The following CEP44 variants were observed in gnomAD, a reference collection of about 807,000 sequenced individuals.
CEP44 encodes centrosomal protein 44.
A neutral mutation model predicts 46.7 loss-of-function variants in CEP44; 45 were observed. The ratio of observed to expected loss-of-function variants is 0.96; its 90% CI spans 0.76 to 1.24. The LOEUF (loss-of-function observed/expected upper bound fraction) is 1.24, where lower values mean the gene tolerates loss of function less well. CEP44 is among the 50% of genes most tolerant of loss of function. CEP44 has a pLI of 0.00. For missense variants in CEP44, 475 were observed against 459.7 expected, an observed-to-expected ratio of 1.03 and a Z score of -0.30; for synonymous variants, 142 against 146.0, an observed-to-expected ratio of 0.97 and a Z score of 0.20.
chr4:174,316,937 T>C (rs2126669288), intron 11 of CEP44, among the ~76,000 whole-genome samples: 1 of 151,998 alleles, frequency 6.6e-6, no homozygotes, highest in Middle Eastern at 3.4e-3. Flanking sequence ...TTCAGTGTTG[T>C]GAAAATATCA....
At position 174,318,051 on chromosome 4, in the gene CEP44, A is replaced by T; in HGVS notation, c.*668A>T. ...TGAGAAATGTGTTGAACATTTTAGT[A>T]TGCTCTATTGTATAATTTTTTTGGA... On this transcript the variant is annotated 3_prime_UTR_variant, in exon 12 of 12. Transcript: ENST00000503780. 1 of 985,344 alleles carries T rather than the reference A, an allele frequency of 1.0e-6. No individual in the cohort carries two copies. Among genetic ancestry groups the T allele is most frequent in the Non-Finnish European group, 1.2e-6 (1 of 829,894 alleles). The allele number at this position is 985,344 out of a possible 1,614,324, so 61.0% of individuals were successfully genotyped here. A position where few individuals can be genotyped will look rare whatever the true frequency, so the allele number is the denominator to read the frequency against.
rs1462647033 is a variant in CEP44 at position 174,314,953 on chromosome 4, C to T, written c.962-1213C>T. Among the ~76,000 whole-genome samples the T allele has an allele frequency of 6.6e-6, 1 of 152,104 alleles. No homozygotes were observed. The highest frequency in any genetic ancestry group is 1.5e-5 in the Non-Finnish European group (1 of 68,040). On this transcript the variant is annotated intron_variant, in intron 9 of 11. Transcript: ENST00000503780. This position sits in a 1 kb window ranked among gnomAD's most constrained non-coding sequence, Gnocchi z 4.1. ...CTTAGCATTTGGAATTAGGACACCA[C>T]GAGTTAGTTAGTCAAATGATATTGA... is the stretch of plus-strand genomic sequence containing the variant.
Position 174,312,661 on chromosome 4 carries a change from T to C in CEP44, c.961+1803T>C, listed in dbSNP as rs1055589229. Among the ~76,000 whole-genome samples the C allele has an allele frequency of 1.3e-5, 2 of 152,178 alleles. No individual in the cohort carries two copies. Among genetic ancestry groups the C allele is most frequent in the Non-Finnish European group, 2.9e-5 (2 of 68,022 alleles). On this transcript the variant is annotated intron_variant, in intron 9 of 11. Transcript: ENST00000503780. The surrounding 1 kb of genome is among the most constrained non-coding windows in gnomAD (Gnocchi z 4.5). ...ACTGAAAGTAATTAACAGGCCTCTA[T>C]CTGAAATGGATTACAGATTATGATT...
In CEP44 at chr4:174,319,643, A is replaced by C. The variant is rs1290415677; in HGVS notation, c.*2260A>C. ...TAAGTAAGTATATATTGAAAATATA[A>C]AATATTTCATATATGTTATCAGGTG... On this transcript the variant is annotated 3_prime_UTR_variant, in exon 12 of 12. Coordinates refer to ENST00000503780, the MANE Select transcript of CEP44 (RefSeq NM_001040157.3). The C allele has an allele frequency of 3.0e-6, 2 of 671,156 alleles. No homozygotes were observed. Among genetic ancestry groups the C allele is most frequent in the Non-Finnish European group, 3.7e-6 (2 of 542,906 alleles). 41.6% of individuals were successfully genotyped at this position (671,156 alleles called of 1,614,324 possible).
At position 174,287,248 on chromosome 4, in the gene CEP44, G is replaced by T. The variant is rs1737674521; in HGVS notation, c.-148+3305G>T. ...ACAAGGATTAAGTGTTGCTTTTCAG[G>T]TAGAGTGCTATTTTGGACCCTTGGC... On this transcript the variant is annotated intron_variant, in intron 1 of 11. Transcript: ENST00000503780. This position sits in a 1 kb window ranked among gnomAD's most constrained non-coding sequence, Gnocchi z 5.1. 6.6e-6 allele frequency among the ~76,000 whole-genome samples: 1 copy of T among 152,138 alleles called. No individual in the cohort carries two copies. Among genetic ancestry groups the T allele is most frequent in the Non-Finnish European group, 1.5e-5 (1 of 68,024 alleles).
Position 174,317,845 on chromosome 4 carries a change from G to C in CEP44, c.*462G>C, listed in dbSNP as rs1412833569. 11 of 985,722 alleles carry C rather than the reference G, an allele frequency of 1.1e-5. No homozygotes were observed. The highest frequency in any genetic ancestry group is 1.7e-5 in the African/African-American group (1 of 57,332). The allele number at this position is 985,722 out of a possible 1,614,324, so 61.1% of individuals were successfully genotyped here. On this transcript the variant is annotated 3_prime_UTR_variant, in exon 12 of 12. Transcript: ENST00000503780. ...TAAGTTATAATGAACAGTTAAAAATGCTCATTGAAAATTAAATAAAACAAA... is the reference window on the plus strand; with the variant it reads ...TAAGTTATAATGAACAGTTAAAAATCCTCATTGAAAATTAAATAAAACAAA...
At position 174,310,307 on chromosome 4, in the gene CEP44, A is replaced by T. The variant is rs1740936897; in HGVS notation, c.885+251A>T. Among the ~76,000 whole-genome samples the T allele has an allele frequency of 6.6e-6, 1 of 152,004 alleles. No homozygotes were observed. Among genetic ancestry groups the T allele is most frequent in the Non-Finnish European group, 1.5e-5 (1 of 67,886 alleles). On this transcript the variant is annotated intron_variant, in intron 8 of 11. Transcript: ENST00000503780. The surrounding 1 kb of genome is among the most constrained non-coding windows in gnomAD (Gnocchi z 4.2). ...TTACAGATGTTAATAATGCTTGAAGAATTTAAAATGAGGTAAGAATATGAT... is the reference window on the plus strand; with the variant it reads ...TTACAGATGTTAATAATGCTTGAAGTATTTAAAATGAGGTAAGAATATGAT...
At chr4:174,298,817 A>C (rs773278861) in intron 2 of CEP44, among the ~76,000 whole-genome samples, 1 of 152,190 alleles carries the variant, frequency 6.6e-6, no homozygotes, top group Non-Finnish European at 1.5e-5. Context: ...TATAAGATAC[A>C]TTATAATAAG....
chr4:174,327,916 A>G (rs1731067466), intron 8 of CEP44, among the ~76,000 whole-genome samples: 1 of 152,212 alleles, frequency 6.6e-6, no homozygotes, highest in Non-Finnish European at 1.5e-5. Flanking sequence ...TTATATGAAT[A>G]TTAAAGTTGG....
In CEP44 at chr4:174,331,453, T is replaced by G; in HGVS notation, c.1087-29T>G. On this transcript the variant is annotated intron_variant, in intron 8 of 8. Transcript: ENST00000426172. The surrounding 1 kb of genome is among the most constrained non-coding windows in gnomAD (Gnocchi z 4.5). ...CTGCCAATGCATTTAGATCATATTT[T>G]AATGTATAATTTTGTGTTTCCTTTC... The G allele has an allele frequency of 6.5e-7, 1 of 1,550,228 alleles. No homozygotes were observed. The highest frequency in any genetic ancestry group is 8.7e-7 in the Non-Finnish European group (1 of 1,146,232).
intron 6 of CEP44, among the ~76,000 whole-genome samples, chr4:174,306,860 A>C (rs976790804): frequency 2.0e-5 from 3 of 152,244 alleles, no homozygotes; most frequent in African/African-American, 7.2e-5. Context: ...CTCCCATTCA[A>C]AATTGCCACA....
chr4:174,308,149 T>C (rs1275462693), intron 6 of CEP44, among the ~76,000 whole-genome samples: 1 of 152,136 alleles, frequency 6.6e-6, no homozygotes, highest in Non-Finnish European at 1.5e-5. Flanking sequence ...TGCATGCATA[T>C]GTTCATTGCA....
At chr4:174,328,686 C>T (rs1248088325) in intron 8 of CEP44, among the ~76,000 whole-genome samples, 4 of 151,858 alleles carry the variant, frequency 2.6e-5, no homozygotes, top group Admixed American at 6.6e-5. Context: ...ATTTTTTTTC[C>T]GTCATGGCAA....
rs1383912195 is a variant in CEP44 at position 174,310,858 on chromosome 4, C to G, written c.961C>G (p.His321Asp). 5 of 1,398,116 alleles carry G rather than the reference C, an allele frequency of 3.6e-6. No homozygotes were observed. The African/African-American group carries it at 4.3e-5, about 12-fold the overall frequency. The allele number at this position is 1,398,116 out of a possible 1,614,324, so 86.6% of individuals were successfully genotyped here. A position where few individuals can be genotyped will look rare whatever the true frequency, so the allele number is the denominator to read the frequency against. ...SCSDMDLLNPHRKSEVERPAS... is the reference protein window; with the variant it reads ...SCSDMDLLNPDRKSEVERPAS... ...TAGTGACATGGACCTTCTGAATCCTCGTAAGTTTGTAAATACTATGAGAAT... is the reference window on the plus strand; with the variant it reads ...TAGTGACATGGACCTTCTGAATCCTGGTAAGTTTGTAAATACTATGAGAAT... The change falls in exon 9 of 12, where the codon CAC (histidine) becomes GAC (aspartate). Residue 321 changes from histidine to aspartate, a missense_variant and splice_region_variant. His to Asp is a moderately conservative substitution (Grantham distance 81). Transcript: ENST00000503780. This position sits in a 1 kb window ranked among gnomAD's most constrained non-coding sequence, Gnocchi z 4.2.
At chr4:174,291,787 CTTTTTTTTTTTTTT>C in intron 1 of CEP44, among the ~76,000 whole-genome samples, 1 of 46,406 alleles carries the variant, frequency 2.2e-5, no homozygotes, top group South Asian at 1.3e-3. Context: ...TTTTTCTTTT[CTTTTTTTTTTTTTT>C]TTTTTTTTTT....
At chr4:174,321,918 A>G (rs1463402677), downstream of CEP44, among the ~76,000 whole-genome samples, 1 of 152,098 alleles carries the variant, frequency 6.6e-6, no homozygotes, top group Non-Finnish European at 1.5e-5. Context: ...AACAGAAACC[A>G]CTAGGAGTTC....
chr4:174,332,544 A>G (rs1416757480), exon 9 of CEP44: 2 of 152,222 alleles, frequency 1.3e-5, no homozygotes, highest in Non-Finnish European at 2.9e-5. Context: ...TTTTCATCAA[A>G]TAAAATTCAC....
In CEP44 at chr4:174,297,736, C is replaced by T. The variant is rs1456310475; in HGVS notation, c.-147-230C>T. Among the ~76,000 whole-genome samples the T allele has an allele frequency of 6.6e-6, 1 of 151,786 alleles. No individual in the cohort carries two copies. The highest frequency in any genetic ancestry group is 1.5e-5 in the Non-Finnish European group (1 of 67,960). On this transcript the variant is annotated intron_variant, in intron 1 of 11. Coordinates refer to ENST00000503780, the MANE Select transcript of CEP44 (RefSeq NM_001040157.3). This position sits in a 1 kb window ranked among gnomAD's most constrained non-coding sequence, Gnocchi z 4.3. The stretch of plus-strand genomic sequence containing the variant: ...CGAACACTTCCTTCTGTATTGTTCG[C>T]CTTGCCTGATGTTACCAAATTTAGT...
At position 174,317,486 on chromosome 4, in the gene CEP44, T is replaced by C. The variant is rs1049851475; in HGVS notation, c.*103T>C. 1 of 1,247,528 alleles carries C rather than the reference T, an allele frequency of 8.0e-7. No homozygotes were observed. 77.3% of individuals were successfully genotyped at this position (1,247,528 alleles called of 1,614,324 possible). A position where few individuals can be genotyped will look rare whatever the true frequency, so the allele number is the denominator to read the frequency against. ...TAATATACTGCAATACTGCAGTTTTTGACAATTTGGATTCCATTTGGTATA... is the reference window on the plus strand; with the variant it reads ...TAATATACTGCAATACTGCAGTTTTCGACAATTTGGATTCCATTTGGTATA... On this transcript the variant is annotated 3_prime_UTR_variant, in exon 12 of 12. Transcript: ENST00000503780.
Sources: allele counts gnomAD v4.1 joint callset (sites outside exome capture counted in the v4.1 genomes callset), GRCh38; gene constraint gnomAD v4.1.1; non-coding constraint Gnocchi (gnomAD v3.1); transcripts MANE v1.5; gene names NCBI Gene and HGNC (gene_info 2026-07-23, HGNC 2026-07-21).